MLLT6: variants seen among roughly 807,000 people sequenced by gnomAD.
MLLT6 encodes protein AF-17.
MLLT6 carries 22 observed loss-of-function variants against 103.0 expected under a neutral mutation model. The ratio of observed to expected loss-of-function variants is 0.21; its 90% CI spans 0.15 to 0.31. MLLT6 has a LOEUF of 0.31. Ranked by LOEUF, MLLT6 falls within the 10% of genes least tolerant of loss-of-function variation. The pLI is 1.00. For missense variants in MLLT6, 1,199 were observed against 1,441.7 expected, an observed-to-expected ratio of 0.83 and a Z score of 2.73; for synonymous variants, 606 against 623.5, an observed-to-expected ratio of 0.97 and a Z score of 0.42.
rs200078918 is a variant in MLLT6 at position 38,715,655 on chromosome 17, C to A, written c.863C>A (p.Thr288Lys). Residue 288 changes from threonine (T) to lysine (K), a missense_variant, in exon 9 of 20, where the codon ACG becomes AAG. Thr to Lys is a moderately conservative substitution (Grantham distance 78, BLOSUM62 -1). Transcript: ENST00000621332. ...TCTTCCTCCCACCACGAGGCCAGCA[C>A]GCAGGAGACCTCTGAGAGCAGCAGG... ...ASSSSHHEAS[T>K]QETSESSRES... The A allele has an allele frequency of 3.1e-6, 5 of 1,613,968 alleles. No homozygotes were observed. In the South Asian group the frequency reaches 3.3e-5, roughly 11 times the overall value.
Position 38,716,712 on chromosome 17 carries a change from C to G in MLLT6, c.1382C>G (p.Thr461Arg). The G allele has an allele frequency of 6.2e-7, 1 of 1,611,410 alleles. No individual in the cohort carries two copies. The highest frequency in any genetic ancestry group is 8.5e-7 in the Non-Finnish European group (1 of 1,179,030). ...TPVPADETPE[T>R]GLKEKKHKAS... Reference sequence around the variant, plus strand: ...GTGCCTGCTGATGAGACCCCTGAGACAGGCCTGAAGGAGAAGAAGCACAAA... The same window carrying G: ...GTGCCTGCTGATGAGACCCCTGAGAGAGGCCTGAAGGAGAAGAAGCACAAA... Residue 461 changes from threonine (T) to arginine (R), a missense_variant, in exon 10 of 20, where the codon ACA becomes AGA. Thr to Arg is a moderately conservative substitution (Grantham distance 71). Coordinates refer to ENST00000621332, the MANE Select transcript of MLLT6 (RefSeq NM_005937.4). This position sits in a 1 kb window ranked among gnomAD's most constrained non-coding sequence, Gnocchi z 5.6.
At chr17:38,720,047 C>A in intron 14 of MLLT6, 152 bp downstream of exon 14, 2 of 1,145,742 alleles carry the variant, frequency 1.7e-6, no homozygotes, top group Non-Finnish European at 2.4e-6. Context: ...CCCATCCCTG[C>A]CAGGCCACAC....
chr17:38,724,724 G>C lies in MLLT6; in HGVS notation c.2988G>C (p.Leu996=). The change falls in exon 19 of 20, where the codon CTG becomes CTC. Residue 996 remains leucine (L), a synonymous_variant. Transcript: ENST00000621332. This position sits in a 1 kb window ranked among gnomAD's most constrained non-coding sequence, Gnocchi z 5.4. ...AGGSQLPMAS[L]LAGSSTPLLS... Reference sequence around the variant, plus strand: ...GCTCCCAGCTGCCCATGGCCAGCCTGCTGGCAGGAAGCTCCACCCCGCTGC... The same window carrying C: ...GCTCCCAGCTGCCCATGGCCAGCCTCCTGGCAGGAAGCTCCACCCCGCTGC... 6.2e-7 allele frequency: 1 copy of C among 1,612,524 alleles called. No homozygotes were observed. The highest frequency in any genetic ancestry group is 8.5e-7 in the Non-Finnish European group (1 of 1,179,612).
rs760606005 is a variant in MLLT6 at position 38,724,581 on chromosome 17, C to T, written c.2884-39C>T. ...AGGCAGGCAGCAGGGAAGAGACCCCCGGGACTGTTGGCCAACAAGCGGTCT... is the reference window on the plus strand; with the variant it reads ...AGGCAGGCAGCAGGGAAGAGACCCCTGGGACTGTTGGCCAACAAGCGGTCT... On this transcript the variant is annotated intron_variant, in intron 18 of 19. Coordinates refer to ENST00000621332, the MANE Select transcript of MLLT6 (RefSeq NM_005937.4). This position sits in a 1 kb window ranked among gnomAD's most constrained non-coding sequence, Gnocchi z 5.4. 14 of 1,504,992 alleles carry T rather than the reference C, an allele frequency of 9.3e-6. No individual in the cohort carries two copies. The Middle Eastern group carries it at 5.3e-4, about 57-fold the overall frequency. 93.2% of individuals were successfully genotyped at this position (1,504,992 alleles called of 1,614,324 possible).
intron 1 of MLLT6, 93 bp from the exon 2 acceptor site, chr17:38,706,857 C>G: frequency 1.9e-6 from 2 of 1,058,264 alleles, no homozygotes. Flanking sequence ...GGAACTGGCT[C>G]TAGTCCTTTG....
chr17:38,719,415 A>AG, intron 12 of MLLT6, 102 bp from the exon 13 acceptor site: 1 of 1,034,736 alleles, frequency 9.7e-7, no homozygotes. Flanking sequence ...TCCTGGGGAA[A>AG]GGGATCTGCG....
At chr17:38,722,284 G>T (rs889894513) in intron 17 of MLLT6, 57 bp downstream of exon 17, 4 of 1,283,230 alleles carry the variant, frequency 3.1e-6, no homozygotes, top group Non-Finnish European at 4.0e-6. Flanking sequence ...GCTCTGGGAA[G>T]GGAGGGATTT....
chr17:38,705,572 C>CCT lies in MLLT6; in HGVS notation c.-61_-60insCT. The stretch of plus-strand genomic sequence containing the variant: ...CGGCCCCCCGCTCCCTCCCTCCCCC[C>CCT]TGACCCCCGACCCCCGCCGGCCGGC... On this transcript the variant is annotated 5_prime_UTR_variant, in exon 1 of 20. Coordinates refer to ENST00000621332, the MANE Select transcript of MLLT6 (RefSeq NM_005937.4). The CCT allele has an allele frequency of 1.6e-6, 1 of 608,626 alleles. No homozygotes were observed. Among genetic ancestry groups the CCT allele is most frequent in the South Asian group, 2.3e-5 (1 of 43,624 alleles). 37.7% of individuals were successfully genotyped at this position (608,626 alleles called of 1,614,324 possible).
Position 38,724,996 on chromosome 17 carries a change from C to A in MLLT6, c.3240+20C>A. 2 of 1,448,778 alleles carry A rather than the reference C, an allele frequency of 1.4e-6. No homozygotes were observed. The highest frequency in any genetic ancestry group is 1.9e-6 in the Non-Finnish European group (2 of 1,071,984). 89.7% of individuals were successfully genotyped at this position (1,448,778 alleles called of 1,614,324 possible). On this transcript the variant is annotated intron_variant, in intron 19 of 19. Coordinates refer to ENST00000621332, the MANE Select transcript of MLLT6 (RefSeq NM_005937.4). The surrounding 1 kb of genome is among the most constrained non-coding windows in gnomAD (Gnocchi z 5.4). ...GGAGGGGTGAGTAAGGGGCCCGGGG[C>A]CTTCCTGCCTCCCCTCTGAGGGATG... is the stretch of plus-strand genomic sequence containing the variant.
chr17:38,707,263 T>C (rs1002345345), intron 2 of MLLT6, among the ~76,000 whole-genome samples: 2 of 152,212 alleles, frequency 1.3e-5, no homozygotes, highest in African/African-American at 2.4e-5. Context: ...TTTTTTATTA[T>C]GGGAAGTTTC....
Position 38,709,145 on chromosome 17 carries a change from G to A in MLLT6, c.355-28G>A, listed in dbSNP as rs779077120. 1.1e-5 allele frequency: 17 copies of A among 1,573,642 alleles called. No homozygotes were observed. The East Asian group carries it at 3.4e-4, about 31-fold the overall frequency. On this transcript the variant is annotated intron_variant, in intron 4 of 19. Transcript: ENST00000621332. The surrounding 1 kb of genome is among the most constrained non-coding windows in gnomAD (Gnocchi z 4.3). ...TCAGTAGAACAGGGGCTCCCTGGAG[G>A]AGGGGACGATTGCGCTGTGTCCTGC...
Position 38,705,616 on chromosome 17 carries a change from A to G in MLLT6, c.-17A>G. The G allele has an allele frequency of 2.3e-6, 2 of 873,222 alleles. No individual in the cohort carries two copies. The highest frequency in any genetic ancestry group is 1.4e-5 in the South Asian group (1 of 71,450). 54.1% of individuals were successfully genotyped at this position (873,222 alleles called of 1,614,324 possible). On this transcript the variant is annotated 5_prime_UTR_variant, in exon 1 of 20. Coordinates refer to ENST00000621332, the MANE Select transcript of MLLT6 (RefSeq NM_005937.4). ...GGCCGGCCCCCCGCCCCAGCCCCGGAGGGAGCTCATGGGAGTATGAAGGAG... is the reference window on the plus strand; with the variant it reads ...GGCCGGCCCCCCGCCCCAGCCCCGGGGGGAGCTCATGGGAGTATGAAGGAG...
At position 38,724,498 on chromosome 17, in the gene MLLT6, C is replaced by T; in HGVS notation, c.2884-122C>T. On this transcript the variant is annotated intron_variant, in intron 18 of 19. Coordinates refer to ENST00000621332, the MANE Select transcript of MLLT6 (RefSeq NM_005937.4). The surrounding 1 kb of genome is among the most constrained non-coding windows in gnomAD (Gnocchi z 5.4). ...ATGCGAGACAGTACCTTGACTGTCT[C>T]ACAGGCCTCTTGCCTCCTGATTCCA... 1.4e-6 allele frequency: 1 copy of T among 698,644 alleles called. No individual in the cohort carries two copies. The highest frequency in any genetic ancestry group is 2.4e-6 in the Non-Finnish European group (1 of 417,318). The allele number at this position is 698,644 out of a possible 1,614,324, so 43.3% of individuals were successfully genotyped here.
intron 2 of MLLT6, 82 bp downstream of exon 2, chr17:38,707,111 G>A: frequency 8.1e-7 from 1 of 1,237,166 alleles, no homozygotes; most frequent in Non-Finnish European, 1.1e-6. Context: ...GGACTCTGAG[G>A]CCGAGGCTAG....
chr17:38,705,985 C>T (rs775216259), intron 1 of MLLT6: 2 of 212,318 alleles, frequency 9.4e-6, no homozygotes, highest in South Asian at 1.8e-4. Flanking sequence ...TGGGGAGAGT[C>T]TAGGGAGCAA....
In MLLT6 at chr17:38,726,468, G is replaced by C. The variant is rs1906038942; in HGVS notation, c.*870G>C. 4.3e-6 allele frequency: 1 copy of C among 233,860 alleles called. No homozygotes were observed. The highest frequency in any genetic ancestry group is 2.2e-5 in the African/African-American group (1 of 45,328). The allele number at this position is 233,860 out of a possible 1,614,324, so 14.5% of individuals were successfully genotyped here. ...AGGGCAGGGATAGGCGCAGTGGTCA[G>C]ATGAAGCAGCGCCAGAGAGGGGACC... On this transcript the variant is annotated 3_prime_UTR_variant, in exon 20 of 20. Transcript: ENST00000621332.
rs1407854643 is a variant in MLLT6, at chr17:38,720,742, T to C, written c.2437T>C (p.Ser813Pro). The C allele has an allele frequency of 3.1e-6, 5 of 1,613,334 alleles. No individual in the cohort carries two copies. The highest frequency in any genetic ancestry group is 4.2e-6 in the Non-Finnish European group (5 of 1,179,670). ...CCTGGACAACTCGCTGTCCACTTCT[T>C]CTGAGGTGGGCGCTACGAGGAGTGG... ...LGLDNSLSTS[S>P]EDPHSGCPSR... The change falls in exon 16 of 20, where the codon TCT (serine) becomes CCT (proline). Residue 813 changes from serine to proline, a missense_variant. By Grantham distance (74) the Ser-to-Pro change is moderately conservative. This residue lies in a region of MLLT6 where 1,034 missense variants were observed against 1,091.5 expected (regional missense o/e 0.95). Coordinates refer to ENST00000621332, the MANE Select transcript of MLLT6 (RefSeq NM_005937.4).
rs567196429 is a variant in MLLT6, at chr17:38,709,340, A to G, written c.458+64A>G. The G allele has an allele frequency of 2.7e-6, 4 of 1,455,488 alleles. No homozygotes were observed. Among genetic ancestry groups the G allele is most frequent in the South Asian group, 2.3e-5 (2 of 87,792 alleles). 90.2% of individuals were successfully genotyped at this position (1,455,488 alleles called of 1,614,324 possible). ...TCCTGGATGGCCACTGATCAGGCTC[A>G]TCCTAGCTGCTGTCCCTTTGATGGT... On this transcript the variant is annotated intron_variant, in intron 5 of 19. Transcript: ENST00000621332. The surrounding 1 kb of genome is among the most constrained non-coding windows in gnomAD (Gnocchi z 4.3).
chr17:38,715,875 T>G, intron 9 of MLLT6, 47 bp downstream of exon 9: 1 of 1,497,582 alleles, frequency 6.7e-7, no homozygotes, highest in Admixed American at 2.1e-5. Context: ...GAAAGCCTTT[T>G]GTCCTGAGCT....
Sources: allele counts gnomAD v4.1 joint callset (sites outside exome capture counted in the v4.1 genomes callset), GRCh38; gene constraint gnomAD v4.1.1; regional missense constraint gnomAD v4.1.1; non-coding constraint Gnocchi (gnomAD v3.1); transcripts MANE v1.5; gene names NCBI Gene and HGNC (gene_info 2026-07-23, HGNC 2026-07-21).